SSX1: variants seen among roughly 807,000 people sequenced by gnomAD.
SSX1 encodes SSX family member 1.
A neutral mutation model predicts 14.6 loss-of-function variants in SSX1; 58 were observed. The ratio of observed to expected loss-of-function variants is 3.96; its 90% CI spans 3.21 to 4.93. The LOEUF is 4.93. Ranked by LOEUF, SSX1 falls within the 30% of genes most tolerant of loss-of-function variation. The probability of loss-of-function intolerance (pLI) is 0.00; values close to 1 mark genes in which losing one functional copy is unlikely to be tolerated. For synonymous variants in SSX1, 46 were observed against 52.1 expected, an observed-to-expected ratio of 0.88 and a Z score of 0.50; for missense variants, 272 against 143.1, an observed-to-expected ratio of 1.90 and a Z score of -4.60.
chrX:48,263,882 A>G lies in SSX1; in HGVS notation c.431A>G (p.Lys144Arg). 1 of 1,211,457 alleles carries G rather than the reference A, an allele frequency of 8.3e-7. No homozygotes were observed. The highest frequency in any genetic ancestry group is 1.1e-6 in the Non-Finnish European group (1 of 895,394). Residue 144 changes from lysine to arginine, a missense_variant, in exon 6 of 8, where the codon AAA becomes AGA. Lys to Arg is a conservative substitution (Grantham distance 26, BLOSUM62 2). Transcript: ENST00000376919. Reference sequence around the variant, plus strand: ...GGGAAACAACTGCACCCCCCAGGAAAAGCAAATATTTCTGAGAAGATTAAT... The same window carrying G: ...GGGAAACAACTGCACCCCCCAGGAAGAGCAAATATTTCTGAGAAGATTAAT... ...NDGKQLHPPG[K>R]ANISEKINKR...
chrX:48,267,069 C>G lies in SSX1; in HGVS notation c.*220C>G, dbSNP rs2059626591. 4 of 446,178 alleles carry G rather than the reference C, an allele frequency of 9.0e-6. No homozygotes were observed. The highest frequency in any genetic ancestry group is 1.6e-5 in the Non-Finnish European group (4 of 254,526). The allele number at this position is 446,178 out of a possible 1,213,427, so 36.8% of individuals were successfully genotyped here. A position where few individuals can be genotyped will look rare whatever the true frequency, so the allele number is the denominator to read the frequency against. ...TTACAGTGTGCCATTCTGTTAGATA[C>G]TATCCTTATAATTGATGAGCAAGAC... On this transcript the variant is annotated 3_prime_UTR_variant, in exon 8 of 8. Coordinates refer to ENST00000376919, the MANE Select transcript of SSX1 (RefSeq NM_005635.4).
intron 7 of SSX1, 51 bp from the exon 8 acceptor site, chrX:48,266,803 G>A: frequency 1.3e-6 from 1 of 790,580 alleles, no homozygotes; most frequent in Non-Finnish European, 1.9e-6. Context: ...TTGAGTTATT[G>A]GGCAGTGGGA....
rs191372051 is a variant in SSX1, at chrX:48,266,392, G to T, written c.*4+1G>T. 190 of 1,208,492 alleles carry T rather than the reference G, an allele frequency of 1.6e-4. No homozygotes were observed. The South Asian group carries it at 3.0e-3, about 19-fold the overall frequency. On this transcript the variant is annotated splice_donor_variant, in intron 7 of 7. Transcript: ENST00000376919. LOFTEE classifies it low-confidence loss of function (3UTR_SPLICE). The stretch of plus-strand genomic sequence containing the variant: ...CCTGAGGAAGATGACGAGTAACTCC[G>T]TAAGTGAACCTTCGGCTCACCCTCC...
At chrX:48,262,493 G>T (rs2059607695) in intron 5 of SSX1, among the ~76,000 whole-genome samples, 1 of 111,792 alleles carries the variant, frequency 8.9e-6, no homozygotes, top group Non-Finnish European at 1.9e-5. Context: ...TGTTACCGGG[G>T]CCACTCCCAT....
At position 48,261,830 on chromosome X, in the gene SSX1, A is replaced by C. The variant is rs1174452112; in HGVS notation, c.330+15A>C. The stretch of plus-strand genomic sequence containing the variant: ...TCATCCCGAAGGTGAGTATCTCTCA[A>C]ATCTAAAGGACCAGAGAACCTTTTT... On this transcript the variant is annotated intron_variant, in intron 5 of 7. Transcript: ENST00000376919. 5.0e-6 allele frequency: 6 copies of C among 1,207,028 alleles called. No homozygotes were observed. The highest frequency in any genetic ancestry group is 1.7e-5 in the African/African-American group (1 of 57,184).
chrX:48,259,967 A>G (rs1244526762), intron 4 of SSX1, among the ~76,000 whole-genome samples: 13 of 102,908 alleles, frequency 1.3e-4, no homozygotes, highest in East Asian at 9.0e-4. Flanking sequence ...GTATATACCC[A>G]GTAATGGGAT....
rs1556936615 is a variant in SSX1, at chrX:48,267,150, A to G, written c.*301A>G. 2.7e-6 allele frequency: 1 copy of G among 364,890 alleles called. No individual in the cohort carries two copies. Among genetic ancestry groups the G allele is most frequent in the East Asian group, 4.8e-5 (1 of 20,687 alleles). 30.1% of individuals were successfully genotyped at this position (364,890 alleles called of 1,213,427 possible). A position where few individuals can be genotyped will look rare whatever the true frequency, so the allele number is the denominator to read the frequency against. On this transcript the variant is annotated 3_prime_UTR_variant, in exon 8 of 8. Coordinates refer to ENST00000376919, the MANE Select transcript of SSX1 (RefSeq NM_005635.4). ...CATGCACCTACGTCAGAAAACAAGT[A>G]TTGTCAGGTATTCTCTCCATAGAAC...
chrX:48,255,829 G>A (rs185502549), intron 1 of SSX1, among the ~76,000 whole-genome samples: 35 of 96,535 alleles, frequency 3.6e-4, no homozygotes, highest in African/African-American at 1.2e-3. Flanking sequence ...GGCCTCTGCC[G>A]CCTGGGCTTA....
intron 1 of SSX1, among the ~76,000 whole-genome samples, chrX:48,256,006 G>A (rs782061208): frequency 2.3e-4 from 24 of 103,849 alleles, no homozygotes; most frequent in African/African-American, 8.5e-4. Context: ...CTACAGATGT[G>A]TGCCATTCCG....
In SSX1 at chrX:48,257,281, G is replaced by A. The variant is rs1163746664; in HGVS notation, c.40G>A (p.Asp14Asn). The A allele has an allele frequency of 8.3e-7, 1 of 1,209,321 alleles. No homozygotes were observed. The highest frequency in any genetic ancestry group is 1.1e-6 in the Non-Finnish European group (1 of 894,746). ...DDTFAKRPRD[D>N]AKASEKRSKA... ...CACCTTTGCAAAGAGACCCAGGGAT[G>A]ATGCTAAAGCATCAGAGAAGAGAAG... The change falls in exon 2 of 8, where the codon GAT becomes AAT. Residue 14 changes from aspartate (D) to asparagine (N), a missense_variant. Asp to Asn is a conservative substitution (Grantham distance 23). Coordinates refer to ENST00000376919, the MANE Select transcript of SSX1 (RefSeq NM_005635.4).
chrX:48,256,860 C>A (rs2059583810), intron 1 of SSX1, among the ~76,000 whole-genome samples: 1 of 109,571 alleles, frequency 9.1e-6, no homozygotes, highest in South Asian at 4.0e-4. Context: ...GTGGGGGTGT[C>A]AGAACGCCCC....
chrX:48,266,020 G>A (rs1395621506), intron 6 of SSX1, among the ~76,000 whole-genome samples: 8 of 111,905 alleles, frequency 7.1e-5, no homozygotes, highest in African/African-American at 2.6e-4. Flanking sequence ...ATGAAAGGAG[G>A]TATCGGTGAA....
At chrX:48,265,177 T>C (rs1372070833) in intron 6 of SSX1, among the ~76,000 whole-genome samples, 1 of 112,303 alleles carries the variant, frequency 8.9e-6, no homozygotes, top group African/African-American at 3.2e-5. Context: ...CACTGGGTAT[T>C]AGTATTATTA....
rs782546730 is a variant in SSX1, at chrX:48,263,969, A to G, written c.466+52A>G. 9.3e-6 allele frequency: 11 copies of G among 1,188,857 alleles called. No homozygotes were observed. The Admixed American group carries it at 2.0e-4, about 22-fold the overall frequency. On this transcript the variant is annotated intron_variant, in intron 6 of 7. Transcript: ENST00000376919. ...TTCTCTGGCTTTTCTGGCTATGTTC[A>G]GGTGTGTGGACTGGGTGTGTGGCAT...
chrX:48,263,235 T>C (rs1382499859), intron 5 of SSX1, among the ~76,000 whole-genome samples: 4 of 111,211 alleles, frequency 3.6e-5, no homozygotes, highest in Non-Finnish European at 7.5e-5. Context: ...TCAATGTTGG[T>C]GCCTCGGTAG....
At position 48,256,152 on chromosome X, in the gene SSX1, CTGA is replaced by C. The variant is rs782283946; in HGVS notation, c.-21+723_-21+725del. On this transcript the variant is annotated intron_variant, in intron 1 of 7. Coordinates refer to ENST00000376919, the MANE Select transcript of SSX1 (RefSeq NM_005635.4). ...GGAACTACAGGCAAGAACCACCTCGCTGATGTTATTATTTTTGTTGTTATTATT... is the reference window on the plus strand; with the variant it reads ...GGAACTACAGGCAAGAACCACCTCGCTGTTATTATTTTTGTTGTTATTATT... Among the ~76,000 whole-genome samples, 21 of 105,534 alleles carry C rather than the reference CTGA, an allele frequency of 2.0e-4. No homozygotes were observed. In the South Asian group the frequency reaches 2.6e-3, roughly 13 times the overall value. 91.6% of individuals were successfully genotyped at this position (105,534 alleles called of 115,157 possible).
rs191356195 is a variant in SSX1 at position 48,264,108 on chromosome X, C to A, written c.466+191C>A. On this transcript the variant is annotated intron_variant, in intron 6 of 7. Transcript: ENST00000376919. ...CTGGAGTTGTCATCCATATAAAAAA[C>A]CACGTGACTTGGGACAAGTCTTCCA... 2.2e-3 allele frequency among the ~76,000 whole-genome samples: 252 copies of A among 112,025 alleles called. 1 individual carries two copies. The highest frequency in any genetic ancestry group is 7.0e-3 in the African/African-American group (217 of 30,886).
intron 6 of SSX1, among the ~76,000 whole-genome samples, chrX:48,266,023 T>A (rs1478418801): frequency 5.4e-5 from 6 of 111,772 alleles, no homozygotes; most frequent in Admixed American, 9.6e-5. Context: ...AAAGGAGGTA[T>A]CGGTGAATGT....
intron 6 of SSX1, among the ~76,000 whole-genome samples, 175 bp from the exon 7 acceptor site, chrX:48,266,112 G>A (rs782799027): frequency 5.9e-4 from 66 of 112,091 alleles, no homozygotes; most frequent in Non-Finnish European, 8.3e-4. Context: ...GGTATTTGTC[G>A]TGTATTGGTG....
Sources: gnomAD v4.1 joint callset for allele counts (sites outside exome capture counted in the v4.1 genomes callset) on GRCh38, gnomAD v4.1.1 for gene constraint, MANE v1.5 for transcripts, NCBI Gene and HGNC (gene_info 2026-07-23, HGNC 2026-07-21) for gene names.